HMCN1: variants seen among roughly 807,000 people sequenced by gnomAD.
The protein encoded by HMCN1 is hemicentin-1.
Under a neutral mutation model 625.9 loss-of-function variants are expected in HMCN1, and 321 were observed. The observed-to-expected ratio is 0.51, with a 90% confidence interval of 0.47 to 0.56. The LOEUF (loss-of-function observed/expected upper bound fraction) is 0.56, where lower values mean the gene tolerates loss of function less well. Ranked by LOEUF, HMCN1 falls within the 20% of genes least tolerant of loss-of-function variation. HMCN1 has a pLI of 0.00. For missense variants in HMCN1, 6,588 were observed against 6,887.3 expected, an observed-to-expected ratio of 0.96 and a Z score of 1.54; for synonymous variants, 2,425 against 2,417.6, an observed-to-expected ratio of 1.00 and a Z score of -0.09.
chr1:185,744,961 T>C (rs28571005), intron 1 of HMCN1, among the ~76,000 whole-genome samples: 4,698 of 152,092 alleles, frequency 0.031, 263 homozygotes, highest in African/African-American at 0.11. Context: ...GGGGGAAACA[T>C]TGAGGGGACT....
At chr1:185,886,858 A>T (rs368312031) in intron 4 of HMCN1, among the ~76,000 whole-genome samples, 1 of 152,140 alleles carries the variant, frequency 6.6e-6, no homozygotes, top group East Asian at 1.9e-4. Context: ...TTCTACTGCC[A>T]GTTGAATGGT....
chr1:185,952,248 C>T (rs1447038700), intron 11 of HMCN1, among the ~76,000 whole-genome samples: 4 of 151,682 alleles, frequency 2.6e-5, no homozygotes, highest in African/African-American at 9.7e-5. Flanking sequence ...CGGAATGAAA[C>T]TGTAAGCCGG....
chr1:185,952,636 C>T (rs771400552), intron 11 of HMCN1, among the ~76,000 whole-genome samples: 3 of 151,458 alleles, frequency 2.0e-5, no homozygotes, highest in African/African-American at 7.3e-5. Flanking sequence ...GAACTACTGT[C>T]GAGTTTGTAT....
At chr1:185,784,335 G>A (rs1028438990) in intron 1 of HMCN1, among the ~76,000 whole-genome samples, 7 of 152,198 alleles carry the variant, frequency 4.6e-5, no homozygotes, top group Admixed American at 1.3e-4. Context: ...CTTGGCTCAC[G>A]TTTGGTGGGC....
chr1:185,871,502 C>A (rs61829893), intron 4 of HMCN1, among the ~76,000 whole-genome samples: 1 of 152,112 alleles, frequency 6.6e-6, no homozygotes, highest in Non-Finnish European at 1.5e-5. Flanking sequence ...ATATTAACTG[C>A]TATTATTTTT....
intron 14 of HMCN1, among the ~76,000 whole-genome samples, chr1:185,968,215 A>G (rs1197953446): frequency 6.6e-6 from 1 of 152,084 alleles, no homozygotes; most frequent in African/African-American, 2.4e-5. Flanking sequence ...AAAGTGAATA[A>G]TGGAGTTTCT....
chr1:185,811,546 C>A (rs1335300952), intron 1 of HMCN1, among the ~76,000 whole-genome samples: 3 of 151,960 alleles, frequency 2.0e-5, no homozygotes, highest in Non-Finnish European at 2.9e-5. Flanking sequence ...TATGATCACA[C>A]CACTGCACCA....
At chr1:185,915,410 C>T (rs567635132) in intron 6 of HMCN1, among the ~76,000 whole-genome samples, 58 of 152,106 alleles carry the variant, frequency 3.8e-4, no homozygotes, top group African/African-American at 1.4e-3. Flanking sequence ...TTAAAGGAAA[C>T]TCCCTGCAAA....
At chr1:185,958,203 C>T (rs562915697) in intron 11 of HMCN1, among the ~76,000 whole-genome samples, 3 of 152,262 alleles carry the variant, frequency 2.0e-5, no homozygotes, top group African/African-American at 7.2e-5. Flanking sequence ...CAACCTCTGC[C>T]TCCTGGGCCC....
In HMCN1 at chr1:186,189,741, G is replaced by A; in HGVS notation, c.16771G>A (p.Val5591Met). Reference protein sequence around the residue: ...ALRDENLKGVVYTTRPLREAE... With the variant: ...ALRDENLKGVMYTTRPLREAE... ...GAGGGATGAAAACCTGAAAGGAGTG[G>A]TGTATACAACACGACCACTACGAGA... The change falls in exon 107 of 107, where the codon GTG (valine) becomes ATG (methionine). Residue 5591 changes from valine (V) to methionine (M), a missense_variant. By Grantham distance (21) the Val-to-Met change is conservative. Transcript: ENST00000271588. The A allele has an allele frequency of 1.2e-6, 2 of 1,613,684 alleles. No homozygotes were observed. Among genetic ancestry groups the A allele is most frequent in the East Asian group, 2.2e-5 (1 of 44,850 alleles).
At chr1:185,990,907 A>G (rs1652383421) in intron 22 of HMCN1, among the ~76,000 whole-genome samples, 1 of 152,236 alleles carries the variant, frequency 6.6e-6, no homozygotes, top group Non-Finnish European at 1.5e-5. Flanking sequence ...GCTGAGTGAC[A>G]TAACAAGAAG....
At chr1:185,898,265 A>G (rs1665598475) in intron 4 of HMCN1, among the ~76,000 whole-genome samples, 1 of 152,148 alleles carries the variant, frequency 6.6e-6, no homozygotes, top group East Asian at 1.9e-4. Flanking sequence ...CTCCTGGTTA[A>G]TCTGGGGCAA....
At chr1:185,820,800 T>C (rs1358449794) in intron 1 of HMCN1, among the ~76,000 whole-genome samples, 1 of 152,118 alleles carries the variant, frequency 6.6e-6, no homozygotes, top group East Asian at 1.9e-4. Flanking sequence ...TGTATAGCAA[T>C]ATTTTATGTC....
In HMCN1 at chr1:186,106,879, T is replaced by C. The variant is rs1236792218; in HGVS notation, c.10771-5T>C. The C allele has an allele frequency of 1.3e-6, 2 of 1,595,836 alleles. No homozygotes were observed. The highest frequency in any genetic ancestry group is 1.7e-6 in the Non-Finnish European group (2 of 1,163,396). ...ATTATGTAATTCATTATTTGGGTTT[T>C]GTAGGTGGAGGATACAGGAAGATAT... On this transcript the variant is annotated splice_polypyrimidine_tract_variant and splice_region_variant and intron_variant, in intron 69 of 106. Transcript: ENST00000271588.
intron 19 of HMCN1, among the ~76,000 whole-genome samples, chr1:185,985,280 G>A (rs1342988735): frequency 6.6e-6 from 1 of 152,128 alleles, no homozygotes; most frequent in Non-Finnish European, 1.5e-5. Context: ...TAACCTAGAG[G>A]AATAAATGCA....
intron 69 of HMCN1, among the ~76,000 whole-genome samples, chr1:186,104,033 T>C (rs185114041): frequency 3.5e-4 from 53 of 152,238 alleles, no homozygotes; most frequent in Non-Finnish European, 5.9e-4. Flanking sequence ...ACTTTTGATC[T>C]CCAAAATGAA....
At chr1:185,928,489 C>T (rs1286605813) in intron 9 of HMCN1, 57 bp from the exon 10 acceptor site, 11 of 1,435,266 alleles carry the variant, frequency 7.7e-6, no homozygotes, top group Admixed American at 1.7e-5. Flanking sequence ...TTAATCATTG[C>T]TTTCAACTTG....
chr1:186,134,701 T>C lies in HMCN1; in HGVS notation c.13313-1967T>C, dbSNP rs577518733. Among the ~76,000 whole-genome samples the C allele has an allele frequency of 2.6e-5, 4 of 152,310 alleles. No homozygotes were observed. The South Asian group carries it at 6.2e-4, about 24-fold the overall frequency. ...ACACATTTTTGTTCTATTTTTGTCT[T>C]ATTTGTATTCTATTTATTCTAGATA... On this transcript the variant is annotated intron_variant, in intron 86 of 106. Transcript: ENST00000271588.
chr1:185,788,066 A>G (rs374424533), intron 1 of HMCN1, among the ~76,000 whole-genome samples: 1 of 152,218 alleles, frequency 6.6e-6, no homozygotes, highest in Admixed American at 6.5e-5. Flanking sequence ...CCTGCAGCTC[A>G]TGACCCAGCA....
Sources: gnomAD v4.1 joint callset for allele counts (sites outside exome capture counted in the v4.1 genomes callset) on GRCh38, gnomAD v4.1.1 for gene constraint, MANE v1.5 for transcripts, NCBI Gene and HGNC (gene_info 2026-07-23, HGNC 2026-07-21) for gene names.